Variants in GARRE1 observed in about 807,000 individuals in gnomAD.
The protein encoded by GARRE1 is granule associated Rac and RHOG effector protein 1.
A neutral mutation model predicts 103.2 loss-of-function variants in GARRE1; 49 were observed. The ratio of observed to expected loss-of-function variants is 0.47; its 90% CI spans 0.38 to 0.60. GARRE1 has a LOEUF of 0.60. GARRE1 is among the 20% of genes least tolerant of loss of function. GARRE1 has a pLI of 0.00. For missense variants in GARRE1, 1,199 were observed against 1,370.5 expected (o/e 0.87, Z 1.98); for synonymous variants, 505 against 532.8 (o/e 0.95, Z 0.72).
chr19:34,332,054 A>T (rs1184944089), intron 7 of GARRE1, among the ~76,000 whole-genome samples: 1 of 151,948 alleles, frequency 6.6e-6, no homozygotes, highest in Non-Finnish European at 1.5e-5. Context: ...TTAGAGATTA[A>T]GAAAATTAAA....
intron 3 of GARRE1, 145 bp downstream of exon 3, chr19:34,320,261 A>G: frequency 1.3e-6 from 1 of 759,810 alleles, no homozygotes; most frequent in South Asian, 1.8e-5. Flanking sequence ...TTCATTTAAC[A>G]GTGAACATCT....
At chr19:34,261,312 C>T (rs970265356) in intron 1 of GARRE1, among the ~76,000 whole-genome samples, 4 of 151,978 alleles carry the variant, frequency 2.6e-5, no homozygotes, top group South Asian at 2.1e-4. Context: ...GGGCTCTGAG[C>T]GTGCTACCCG....
chr19:34,308,238 C>CTTTTTTTTTTTTTT, intron 2 of GARRE1, among the ~76,000 whole-genome samples: 1 of 99,512 alleles, frequency 1.0e-5, no homozygotes, highest in Non-Finnish European at 2.1e-5. Flanking sequence ...CATCCTGTTC[C>CTTTTTTTTTTTTTT]TTTTTTTTTT....
intron 1 of GARRE1, among the ~76,000 whole-genome samples, chr19:34,268,825 A>G (rs1232130237): frequency 6.6e-6 from 1 of 152,114 alleles, no homozygotes; most frequent in African/African-American, 2.4e-5. Flanking sequence ...GAAATTGAAT[A>G]TGTGGTGATT....
intron 1 of GARRE1, among the ~76,000 whole-genome samples, chr19:34,259,324 G>T (rs1238724298): frequency 6.6e-6 from 1 of 152,112 alleles, no homozygotes; most frequent in Non-Finnish European, 1.5e-5. Flanking sequence ...CCTCGATTTA[G>T]ACTTTGTACC....
intron 7 of GARRE1, among the ~76,000 whole-genome samples, chr19:34,331,539 G>A (rs2145270721): frequency 6.6e-6 from 1 of 152,030 alleles, no homozygotes; most frequent in East Asian, 1.9e-4. Context: ...AAAAAGTAAT[G>A]ATTTGTTCAT....
At chr19:34,334,265 A>G (rs563030395) in intron 8 of GARRE1, among the ~76,000 whole-genome samples, 1 of 152,276 alleles carries the variant, frequency 6.6e-6, no homozygotes, top group African/African-American at 2.4e-5. Flanking sequence ...TAGATATTAT[A>G]TTTGTAACAC....
At chr19:34,320,906 T>C (rs1166603268) in intron 3 of GARRE1, among the ~76,000 whole-genome samples, 1 of 99,686 alleles carries the variant, frequency 1.0e-5, no homozygotes, top group East Asian at 2.2e-4. Flanking sequence ...TTATTATTAC[T>C]TTTTTTTTTT....
intron 1 of GARRE1, among the ~76,000 whole-genome samples, chr19:34,277,163 AATG>A (rs1484861202): frequency 2.0e-5 from 3 of 152,142 alleles, no homozygotes; most frequent in African/African-American, 7.2e-5. Context: ...GTGACTGCAG[AATG>A]ATGAGTGAGA....
intron 1 of GARRE1, among the ~76,000 whole-genome samples, chr19:34,284,202 C>G (rs914329010): frequency 7.2e-6 from 1 of 138,634 alleles, no homozygotes; most frequent in African/African-American, 2.8e-5. Context: ...GCAATCTCGG[C>G]TTACTGCAAC....
In GARRE1 at chr19:34,280,364, G is replaced by A. The variant is rs118135823; in HGVS notation, c.-795-19315G>A. ...CTTTTCATGTGCTTATTAGCTGTTCGCATATTTCTTGGGGCAAAAGTCTAT... is the reference window on the plus strand; with the variant it reads ...CTTTTCATGTGCTTATTAGCTGTTCACATATTTCTTGGGGCAAAAGTCTAT... On this transcript the variant is annotated intron_variant, in intron 1 of 13. Transcript: ENST00000299505. 1.4e-3 allele frequency among the ~76,000 whole-genome samples: 207 copies of A among 152,240 alleles called. 3 individuals carry two copies. The East Asian group carries it at 0.037, about 27-fold the overall frequency.
At chr19:34,304,446 G>A (rs2073997646) in intron 2 of GARRE1, among the ~76,000 whole-genome samples, 1 of 150,624 alleles carries the variant, frequency 6.6e-6, no homozygotes, top group Non-Finnish European at 1.5e-5. Flanking sequence ...CGTGGTCTTG[G>A]CTCACAGCAG....
At chr19:34,333,638 A>G (rs2145272468) in intron 7 of GARRE1, 66 bp from the exon 8 acceptor site, 2 of 926,090 alleles carry the variant, frequency 2.2e-6, no homozygotes, top group Non-Finnish European at 1.7e-6. Flanking sequence ...ATTGGATTTT[A>G]TTCTGATTTG....
chr19:34,327,854 A>G lies in GARRE1; in HGVS notation c.930A>G (p.Glu310=). ...TCCACCTGAATCCAAAGGCGATTGA[A>G]GCAAGTTTGCAGGTACACTTTTCCT... ...AGFHLNPKAI[E]ASLQGCCSEA... Residue 310 remains glutamate (E), a synonymous_variant, in exon 5 of 14, where the codon GAA becomes GAG. Coordinates refer to ENST00000299505, the MANE Select transcript of GARRE1 (RefSeq NM_014686.5). The G allele has an allele frequency of 6.2e-7, 1 of 1,614,232 alleles. No individual in the cohort carries two copies. Among genetic ancestry groups the G allele is most frequent in the Non-Finnish European group, 8.5e-7 (1 of 1,180,026 alleles).
At chr19:34,270,620 C>T (rs555659104) in intron 1 of GARRE1, among the ~76,000 whole-genome samples, 2 of 152,302 alleles carry the variant, frequency 1.3e-5, no homozygotes, top group African/African-American at 4.8e-5. Flanking sequence ...ATGGCACCCT[C>T]CTTCCTCTGA....
intron 3 of GARRE1, among the ~76,000 whole-genome samples, chr19:34,325,873 C>T (rs1391575266): frequency 3.9e-5 from 6 of 152,072 alleles, no homozygotes; most frequent in Admixed American, 3.9e-4. Context: ...GTCTTGACAC[C>T]CCCCACCCCA....
rs375839096 is a variant in GARRE1, at chr19:34,302,358, G to A, written c.495+1390G>A. Among the ~76,000 whole-genome samples the A allele has an allele frequency of 3.4e-4, 41 of 121,726 alleles. No homozygotes were observed. The South Asian group carries it at 7.6e-3, about 22-fold the overall frequency. 79.9% of individuals were successfully genotyped at this position (121,726 alleles called of 152,430 possible). A position where few individuals can be genotyped will look rare whatever the true frequency, so the allele number is the denominator to read the frequency against. On this transcript the variant is annotated intron_variant, in intron 2 of 13. Transcript: ENST00000299505. ...CACACAAGCTGGAGTGTAGTGGCAC[G>A]ATCTCAGCTTACTGCAACATCGCCT...
intron 1 of GARRE1, among the ~76,000 whole-genome samples, chr19:34,280,763 A>G (rs1162229575): frequency 1.3e-5 from 2 of 152,180 alleles, no homozygotes; most frequent in East Asian, 3.9e-4. Flanking sequence ...TGAGCCTAGT[A>G]GTGTTATATG....
chr19:34,297,720 G>A (rs1271916731), intron 1 of GARRE1, among the ~76,000 whole-genome samples: 2 of 152,196 alleles, frequency 1.3e-5, no homozygotes, highest in Admixed American at 6.5e-5. Flanking sequence ...TGGAGCACTC[G>A]GGTGGGGATA....
Sources: gnomAD v4.1 joint callset for allele counts (sites outside exome capture counted in the v4.1 genomes callset) on GRCh38, gnomAD v4.1.1 for gene constraint, MANE v1.5 for transcripts, NCBI Gene and HGNC (gene_info 2026-07-23, HGNC 2026-07-21) for gene names.